LIMS1: variants seen among roughly 807,000 people sequenced by gnomAD.
LIMS1 encodes LIM and senescent cell antigen-like-containing domain protein 1.
A neutral mutation model predicts 44.1 loss-of-function variants in LIMS1; 18 were observed. That is an observed-to-expected ratio of 0.41 (90% CI 0.28 to 0.61). The LOEUF (loss-of-function observed/expected upper bound fraction) is 0.61, where lower values mean the gene tolerates loss of function less well. Among genes scored for constraint, LIMS1 ranks in the 20% least tolerant of loss-of-function variants. The pLI, the probability that LIMS1 is intolerant of heterozygous loss-of-function variation, is 0.32. For missense variants in LIMS1, 201 were observed against 422.0 expected, an observed-to-expected ratio of 0.48 and a Z score of 4.59; for synonymous variants, 93 against 149.1, an observed-to-expected ratio of 0.62 and a Z score of 2.74.
chr2:108,559,868 ACT>A (rs1685053515), intron 1 of LIMS1, among the ~76,000 whole-genome samples: 1 of 152,178 alleles, frequency 6.6e-6, no homozygotes, highest in South Asian at 2.1e-4. Context: ...TCTGAAAGTC[ACT>A]CTGAGCACAA....
intron 1 of LIMS1, among the ~76,000 whole-genome samples, chr2:108,577,454 T>C (rs1685711991): frequency 6.6e-6 from 1 of 152,238 alleles, no homozygotes; most frequent in South Asian, 2.1e-4. Flanking sequence ...GTTATCCTTA[T>C]GTGCCCCGTA....
At chr2:108,572,250 A>G (rs1029826368) in intron 1 of LIMS1, among the ~76,000 whole-genome samples, 1 of 152,162 alleles carries the variant, frequency 6.6e-6, no homozygotes, top group African/African-American at 2.4e-5. Context: ...CTGAAATACA[A>G]CTTACATACA....
At position 108,620,236 on chromosome 2, in the gene LIMS1, C is replaced by T. The variant is rs115506603; in HGVS notation, c.33-39369C>T. ...GATTCTCTCAGAGATGGGAATAACT[C>T]TCTAGCTCTTAGTGTAAAAATATTA... is the stretch of plus-strand genomic sequence containing the variant. On this transcript the variant is annotated intron_variant, in intron 1 of 9. Transcript: ENST00000544547. 8.9e-3 allele frequency among the ~76,000 whole-genome samples: 1,356 copies of T among 152,268 alleles called. 13 individuals carry two copies. The highest frequency in any genetic ancestry group is 0.012 in the Admixed American group (177 of 15,292).
chr2:108,557,364 A>G (rs2104603396), intron 1 of LIMS1, among the ~76,000 whole-genome samples: 1 of 152,244 alleles, frequency 6.6e-6, no homozygotes, highest in East Asian at 1.9e-4. Context: ...AGTGTGAGCC[A>G]ACACGCCCAG....
rs1254543713 is a variant in LIMS1 at position 108,556,002 on chromosome 2, A to G, written c.32+21408A>G. ...TTTTTTCCTTTTTTGCTATAGCAAAATATAAATAACACAAAATTTACCATC... is the reference window on the plus strand; with the variant it reads ...TTTTTTCCTTTTTTGCTATAGCAAAGTATAAATAACACAAAATTTACCATC... On this transcript the variant is annotated intron_variant, in intron 1 of 9. Coordinates refer to ENST00000544547, the Ensembl canonical transcript of LIMS1. Among the ~76,000 whole-genome samples, 5 of 152,266 alleles carry G rather than the reference A, an allele frequency of 3.3e-5. No individual in the cohort carries two copies. The East Asian group carries it at 9.6e-4, about 29-fold the overall frequency.
At chr2:108,570,380 A>T (rs1685442837) in intron 1 of LIMS1, among the ~76,000 whole-genome samples, 1 of 151,556 alleles carries the variant, frequency 6.6e-6, no homozygotes, top group African/African-American at 2.4e-5. Flanking sequence ...CAGTGAGCCG[A>T]GATCTCACCA....
At chr2:108,546,937 A>G (rs193015456) in intron 1 of LIMS1, among the ~76,000 whole-genome samples, 13 of 152,314 alleles carry the variant, frequency 8.5e-5, no homozygotes, top group African/African-American at 2.9e-4. Flanking sequence ...CTCCCTGACT[A>G]TAATTGTGTC....
At chr2:108,551,719 T>C (rs1355889399) in intron 1 of LIMS1, among the ~76,000 whole-genome samples, 1 of 146,500 alleles carries the variant, frequency 6.8e-6, no homozygotes, top group Non-Finnish European at 1.5e-5. Flanking sequence ...GTATATAGTA[T>C]ATGTATAATG....
At chr2:108,593,052 G>A (rs558282828) in intron 1 of LIMS1, among the ~76,000 whole-genome samples, 66 of 152,280 alleles carry the variant, frequency 4.3e-4, no homozygotes, top group African/African-American at 1.6e-3. Context: ...ACCCAGAACT[G>A]GAATTGCTGG....
At chr2:108,626,536 C>T (rs1386619378) in intron 1 of LIMS1, among the ~76,000 whole-genome samples, 1 of 152,156 alleles carries the variant, frequency 6.6e-6, no homozygotes, top group Non-Finnish European at 1.5e-5. Context: ...TCTCACCTCC[C>T]ACCCCCATAT....
intron 1 of LIMS1, among the ~76,000 whole-genome samples, chr2:108,588,048 A>G (rs537191418): frequency 4.6e-5 from 7 of 152,298 alleles, no homozygotes; most frequent in African/African-American, 1.7e-4. Flanking sequence ...ATTTTTTTAA[A>G]GTTACCTCTT....
intron 1 of LIMS1, chr2:108,588,434 A>C: frequency 1.0e-6 from 1 of 985,518 alleles, no homozygotes; most frequent in Non-Finnish European, 1.2e-6. Context: ...AAGTAAGTTA[A>C]ATAAGAGTAG....
intron 1 of LIMS1, among the ~76,000 whole-genome samples, chr2:108,561,493 G>A (rs1164265030): frequency 6.6e-6 from 1 of 152,086 alleles, no homozygotes; most frequent in Non-Finnish European, 1.5e-5. Flanking sequence ...GTTAGGGGTG[G>A]GGGTGTATGC....
intron 1 of LIMS1, among the ~76,000 whole-genome samples, chr2:108,534,879 C>A (rs949732938): frequency 6.6e-6 from 1 of 152,196 alleles, no homozygotes; most frequent in African/African-American, 2.4e-5. Context: ...ATTTGCCGAG[C>A]TAATCATTTA....
intron 1 of LIMS1, among the ~76,000 whole-genome samples, chr2:108,574,990 G>T (rs968921529): frequency 6.6e-6 from 1 of 152,094 alleles, no homozygotes; most frequent in African/African-American, 2.4e-5. Flanking sequence ...GATTTTTACC[G>T]TGCCTTGCTA....
intron 1 of LIMS1, among the ~76,000 whole-genome samples, chr2:108,651,936 CCT>C (rs1690517612): frequency 7.5e-6 from 1 of 132,974 alleles, no homozygotes; most frequent in African/African-American, 2.9e-5. Flanking sequence ...GACCACAACT[CCT>C]CTCCCTTCCA....
At chr2:108,647,172 G>A (rs1001786662) in intron 1 of LIMS1, among the ~76,000 whole-genome samples, 39 of 152,300 alleles carry the variant, frequency 2.6e-4, no homozygotes, top group Non-Finnish European at 3.4e-4. Context: ...TACCATCAGC[G>A]AATACTGTAA....
chr2:108,593,258 A>G (rs1241022882), intron 1 of LIMS1, among the ~76,000 whole-genome samples: 1 of 152,230 alleles, frequency 6.6e-6, no homozygotes, highest in East Asian at 1.9e-4. Flanking sequence ...AAACATATCT[A>G]AACCTTATCC....
chr2:108,542,487 G>A (rs1684346485), intron 1 of LIMS1, among the ~76,000 whole-genome samples: 1 of 152,156 alleles, frequency 6.6e-6, no homozygotes, highest in African/African-American at 2.4e-5. Flanking sequence ...TGACAGCTGG[G>A]ATTCATACCG....
Sources: gnomAD v4.1 joint callset for allele counts (sites outside exome capture counted in the v4.1 genomes callset) on GRCh38, gnomAD v4.1.1 for gene constraint, MANE v1.5 for transcripts, NCBI Gene and HGNC (gene_info 2026-07-23, HGNC 2026-07-21) for gene names.